Variants in YJU2 observed in about 807,000 individuals in gnomAD.
The protein encoded by YJU2 is YJU2 splicing factor homolog.
YJU2 carries 28 observed loss-of-function variants against 39.6 expected under a neutral mutation model. The observed-to-expected ratio is 0.71, with a 90% CI of 0.52 to 0.97. The LOEUF (loss-of-function observed/expected upper bound fraction) is 0.97. Ranked by LOEUF, YJU2 falls within the 50% of genes least tolerant of loss-of-function variation. The pLI is 0.00. For missense variants in YJU2, 328 were observed against 430.4 expected (o/e 0.76, Z 2.11); for synonymous variants, 184 against 182.4 (o/e 1.01, Z -0.07).
At chr19:4,264,261 CA>C (rs748910280) in intron 6 of YJU2, among the ~76,000 whole-genome samples, 6,713 of 43,708 alleles carry the variant, frequency 0.15, 39 homozygotes, top group Non-Finnish European at 0.2. Flanking sequence ...GACTCTGTCT[CA>C]AAAAAAAAAA....
In YJU2 at chr19:4,247,639, GTGTGTGTGTGT is replaced by G. The variant is rs1970938993; in HGVS notation, c.24+470_24+480del. On this transcript the variant is annotated intron_variant, in intron 1 of 7. Transcript: ENST00000262962. ...TGTGTGTGTGTGTGTGTGTGTGTGTGTGTGTGTGTGTGTGTGTGTGTGTGTGTGTGTGTGTG... is the reference window on the plus strand; with the variant it reads ...TGTGTGTGTGTGTGTGTGTGTGTGTGGTGTGTGTGTGTGTGTGTGTGTGTG... 7.9e-4 allele frequency among the ~76,000 whole-genome samples: 53 copies of G among 66,686 alleles called. 3 individuals are homozygous for G. Among genetic ancestry groups the G allele is most frequent in the East Asian group, 1.1e-3 (2 of 1,786 alleles). The allele number at this position is 66,686 out of a possible 152,430, so 43.7% of individuals were successfully genotyped here.
intron 2 of YJU2, among the ~76,000 whole-genome samples, chr19:4,249,603 T>C (rs1239075372): frequency 6.6e-6 from 1 of 151,934 alleles, no homozygotes; most frequent in East Asian, 1.9e-4. Context: ...TGCAGCCCCA[T>C]AGATATATTT....
intron 6 of YJU2, among the ~76,000 whole-genome samples, chr19:4,265,685 C>A (rs557584276): frequency 1.3e-5 from 2 of 150,416 alleles, no homozygotes; most frequent in South Asian, 4.2e-4. Context: ...GGCTCCCAGC[C>A]TGTAGCAATT....
chr19:4,251,459 C>T (rs947586300), intron 3 of YJU2, among the ~76,000 whole-genome samples: 4 of 152,224 alleles, frequency 2.6e-5, no homozygotes, highest in African/African-American at 7.2e-5. Context: ...GCGGCCAAGG[C>T]GGGCAGATCA....
intron 6 of YJU2, among the ~76,000 whole-genome samples, chr19:4,263,941 C>T (rs1971093355): frequency 6.6e-6 from 1 of 151,638 alleles, no homozygotes; most frequent in Non-Finnish European, 1.5e-5. Flanking sequence ...AGTAGGGGCT[C>T]ATAAACCAAT....
chr19:4,261,995 G>T lies in YJU2; in HGVS notation c.589G>T (p.Ala197Ser). 6.2e-7 allele frequency: 1 copy of T among 1,613,160 alleles called. No homozygotes were observed. The highest frequency in any genetic ancestry group is 8.5e-7 in the Non-Finnish European group (1 of 1,179,856). Residue 197 changes from alanine (A) to serine (S), a missense_variant and splice_region_variant, in exon 6 of 8, where the codon GCC (alanine) becomes TCC (serine). By Grantham distance (99) the Ala-to-Ser change is moderately conservative. Coordinates refer to ENST00000262962, the MANE Select transcript of YJU2 (RefSeq NM_018074.6). ...QQEEDEQETA[A>S]LLEEARKRRL... is the part of the protein sequence containing the mutation. ...AAGTTCCCATCTTCCATCCCACAGG[G>T]CCCTGTTGGAGGAAGCCAGAAAGCG...
At chr19:4,267,488 T>C in intron 6 of YJU2, 136 bp from the exon 7 acceptor site, 1 of 901,744 alleles carries the variant, frequency 1.1e-6, no homozygotes, top group South Asian at 1.7e-5. Context: ...CATAGAGGAG[T>C]TTAGAGCAGA....
At position 4,251,050 on chromosome 19, in the gene YJU2, T is replaced by A; in HGVS notation, c.149T>A (p.Ile50Asn). The stretch of plus-strand genomic sequence containing the variant: ...AGGTGTAAGACGTGCGGAGAATACA[T>A]CTACAAGGGGAAGAAATTCAATGCT... Reference protein sequence around the residue: ...NMRCKTCGEYIYKGKKFNARK... With the variant: ...NMRCKTCGEYNYKGKKFNARK... The change falls in exon 3 of 8, where the codon ATC becomes AAC. Residue 50 changes from isoleucine to asparagine, a missense_variant. Ile to Asn is a moderately radical substitution (Grantham distance 149). This residue lies in a region of YJU2 where 84 missense variants were observed against 165.8 expected (regional missense o/e 0.51). Coordinates refer to ENST00000262962, the MANE Select transcript of YJU2 (RefSeq NM_018074.6). 6.2e-7 allele frequency: 1 copy of A among 1,614,124 alleles called. No homozygotes were observed. The highest frequency in any genetic ancestry group is 8.5e-7 in the Non-Finnish European group (1 of 1,180,018).
rs183224212 is a variant in YJU2 at position 4,255,452 on chromosome 19, A to G, written c.405+963A>G. Among the ~76,000 whole-genome samples the G allele has an allele frequency of 8.2e-4, 125 of 151,830 alleles. 1 individual carries two copies. Among genetic ancestry groups the G allele is most frequent in the Non-Finnish European group, 1.6e-3 (110 of 67,902 alleles). ...TTAAAAAATTAGCCAGGTGCTTGCCAGGCGTGGTGGCTCACACCTGTAATC... is the reference window on the plus strand; with the variant it reads ...TTAAAAAATTAGCCAGGTGCTTGCCGGGCGTGGTGGCTCACACCTGTAATC... On this transcript the variant is annotated intron_variant, in intron 4 of 7. Coordinates refer to ENST00000262962, the MANE Select transcript of YJU2 (RefSeq NM_018074.6).
At chr19:4,247,352 C>T (rs2144685459) in intron 1 of YJU2, 182 bp downstream of exon 1, 4 of 577,012 alleles carry the variant, frequency 6.9e-6, no homozygotes, top group Middle Eastern at 4.7e-4. Context: ...GGGGGTGGGC[C>T]TTCGCTAAGT....
rs1970940223 is a variant in YJU2 at position 4,247,651 on chromosome 19, GTGTGTGT to G, written c.24+482_24+488del. Among the ~76,000 whole-genome samples the G allele has an allele frequency of 7.0e-4, 49 of 70,090 alleles. 1 individual carries two copies. Among genetic ancestry groups the G allele is most frequent in the Admixed American group, 1.6e-3 (11 of 6,942 alleles). The allele number at this position is 70,090 out of a possible 152,430, so 46.0% of individuals were successfully genotyped here. A position where few individuals can be genotyped will look rare whatever the true frequency, so the allele number is the denominator to read the frequency against. On this transcript the variant is annotated intron_variant, in intron 1 of 7. Coordinates refer to ENST00000262962, the MANE Select transcript of YJU2 (RefSeq NM_018074.6). The stretch of plus-strand genomic sequence containing the variant: ...TGTGTGTGTGTGTGTGTGTGTGTGT[GTGTGTGT>G]GTGTGTGTGTGTGTGTGTGTGTGTG...
intron 1 of YJU2, among the ~76,000 whole-genome samples, chr19:4,248,785 G>C (rs1389181225): frequency 6.6e-6 from 1 of 152,054 alleles, no homozygotes; most frequent in Non-Finnish European, 1.5e-5. Flanking sequence ...GGGGAGTGGT[G>C]GTGGGCGCCT....
intron 1 of YJU2, among the ~76,000 whole-genome samples, chr19:4,247,574 GGGTGGCGCGTGTGTGTGTGTGTGTGTGT>G (rs1568359443): frequency 2.4e-5 from 2 of 81,644 alleles, no homozygotes; most frequent in African/African-American, 2.4e-4. Flanking sequence ...GGGTGGGGTG[GGGTGGCGCGTGTGTGTGTGTGTGTGTGT>G]GTGTGTGTGT....
intron 7 of YJU2, 99 bp downstream of exon 7, chr19:4,267,873 G>C (rs2144702266): frequency 1.7e-6 from 2 of 1,181,256 alleles, no homozygotes; most frequent in South Asian, 1.5e-5. Flanking sequence ...TGGGGTGGGT[G>C]GGGGCGGCCT....
intron 4 of YJU2, among the ~76,000 whole-genome samples, chr19:4,255,459 G>T (rs56075200): frequency 1.3e-5 from 2 of 151,540 alleles, no homozygotes; most frequent in Non-Finnish European, 2.9e-5. Context: ...GCCAGGCGTG[G>T]TGGCTCACAC....
intron 3 of YJU2, among the ~76,000 whole-genome samples, chr19:4,252,082 GA>G (rs1970981675): frequency 6.6e-6 from 1 of 152,120 alleles, no homozygotes; most frequent in South Asian, 2.1e-4. Context: ...TTTAAGGAAA[GA>G]CTGAAGATAA....
chr19:4,251,125 G>A lies in YJU2; in HGVS notation c.224G>A (p.Arg75His), dbSNP rs1322032178. Reference sequence around the variant, plus strand: ...GTCTACCTGGGCCTGCCCATCTTCCGCTTTTACATCAAGTGCACGCGCTGC... The same window carrying A: ...GTCTACCTGGGCCTGCCCATCTTCCACTTTTACATCAAGTGCACGCGCTGC... ...NEVYLGLPIF[R>H]FYIKCTRCLA... Residue 75 changes from arginine to histidine, a missense_variant, in exon 3 of 8, where the codon CGC (arginine) becomes CAC (histidine). Arg to His is a conservative substitution (Grantham distance 29). Coordinates refer to ENST00000262962, the MANE Select transcript of YJU2 (RefSeq NM_018074.6). 1.9e-6 allele frequency: 3 copies of A among 1,614,172 alleles called. No individual in the cohort carries two copies. The highest frequency in any genetic ancestry group is 2.2e-5 in the East Asian group (1 of 44,886).
rs940116099 is a variant in YJU2, at chr19:4,268,820, C to T, written c.*124C>T. 1.3e-5 allele frequency: 9 copies of T among 694,010 alleles called. No individual in the cohort carries two copies. The Admixed American group carries it at 2.2e-4, about 17-fold the overall frequency. The allele number at this position is 694,010 out of a possible 1,614,324, so 43.0% of individuals were successfully genotyped here. ...GACTGGAGGCCGGACAGACAAGCGCCAGCGTGCTCCAACACATAGGGCCAC... is the reference window on the plus strand; with the variant it reads ...GACTGGAGGCCGGACAGACAAGCGCTAGCGTGCTCCAACACATAGGGCCAC... On this transcript the variant is annotated 3_prime_UTR_variant, in exon 8 of 8. Coordinates refer to ENST00000262962, the MANE Select transcript of YJU2 (RefSeq NM_018074.6).
chr19:4,251,980 CTG>C (rs1465355854), intron 3 of YJU2, among the ~76,000 whole-genome samples: 1 of 151,382 alleles, frequency 6.6e-6, no homozygotes. Flanking sequence ...AAATGAAACT[CTG>C]TCTCAAAAAG....
Sources: gnomAD v4.1 joint callset for allele counts (sites outside exome capture counted in the v4.1 genomes callset) on GRCh38, gnomAD v4.1.1 for gene constraint, gnomAD v4.1.1 regional missense constraint, MANE v1.5 for transcripts, NCBI Gene and HGNC (gene_info 2026-07-23, HGNC 2026-07-21) for gene names.